Variants in RSPO2 observed in about 807,000 individuals in gnomAD.
RSPO2 encodes the protein R-spondin-2.
Under a neutral mutation model 30.9 loss-of-function variants are expected in RSPO2, and 14 were observed. The observed-to-expected ratio is 0.45, with a 90% CI of 0.30 to 0.71. The LOEUF (loss-of-function observed/expected upper bound fraction) is 0.71, where lower values mean the gene tolerates loss of function less well. Ranked by LOEUF, RSPO2 falls within the 30% of genes least tolerant of loss-of-function variation. The probability of loss-of-function intolerance (pLI) is 0.08; values close to 1 mark genes in which losing one functional copy is unlikely to be tolerated. For missense variants in RSPO2, 264 were observed against 301.9 expected (o/e 0.87, Z 0.93); for synonymous variants, 107 against 96.4 (o/e 1.11, Z -0.64).
intron 2 of RSPO2, among the ~76,000 whole-genome samples, chr8:108,015,823 G>A (rs1810873626): frequency 6.6e-6 from 1 of 152,066 alleles, no homozygotes; most frequent in African/African-American, 2.4e-5. Flanking sequence ...AATAATTTCT[G>A]GATAAAATCT....
At position 107,983,020 on chromosome 8, in the gene RSPO2, A is replaced by T. The variant is rs1347713409; in HGVS notation, c.283+6036T>A. 9 of 835,280 alleles carry T rather than the reference A, an allele frequency of 1.1e-5. No individual in the cohort carries two copies. The East Asian group carries it at 2.4e-4, about 23-fold the overall frequency. 51.7% of individuals were successfully genotyped at this position (835,280 alleles called of 1,614,324 possible). ...GGCTCCTGGGGTGCAGAGAGGGGCC[A>T]CAGTCTCTGCGGCTGTGTCACGCTC... On this transcript the variant is annotated intron_variant, in intron 3 of 5. Coordinates refer to ENST00000276659, the MANE Select transcript of RSPO2 (RefSeq NM_178565.5).
Position 108,083,468 on chromosome 8 carries a change from C to T in RSPO2, c.-441G>A, listed in dbSNP as rs1437562679. ...TGCGCCCGCTCACACTCTCTGCCTC[C>T]CTAACCAATTGTGTCGCTTCCTGCG... On this transcript the variant is annotated 5_prime_UTR_variant, in exon 1 of 6. Transcript: ENST00000276659. The T allele has an allele frequency of 6.6e-6, 1 of 152,392 alleles. No individual in the cohort carries two copies. Among genetic ancestry groups the T allele is most frequent in the Admixed American group, 6.5e-5 (1 of 15,288 alleles). The allele number at this position is 152,392 out of a possible 1,614,324, so 9.4% of individuals were successfully genotyped here. A position where few individuals can be genotyped will look rare whatever the true frequency, so the allele number is the denominator to read the frequency against.
chr8:108,019,283 G>A (rs913743631), intron 2 of RSPO2, among the ~76,000 whole-genome samples: 12 of 152,108 alleles, frequency 7.9e-5, no homozygotes, highest in Non-Finnish European at 5.9e-5. Context: ...GAACTCAGGA[G>A]ATGGAGGTTG....
intron 3 of RSPO2, among the ~76,000 whole-genome samples, chr8:107,985,784 G>A (rs1421384396): frequency 6.6e-6 from 1 of 152,136 alleles, no homozygotes; most frequent in Non-Finnish European, 1.5e-5. Flanking sequence ...AGGGACAATG[G>A]CAGCTTCTAG....
Position 107,970,592 on chromosome 8 carries a change from G to A in RSPO2, c.284-9775C>T, listed in dbSNP as rs998370426. Among the ~76,000 whole-genome samples the A allele has an allele frequency of 4.6e-5, 7 of 152,196 alleles. 1 individual carries two copies. Among genetic ancestry groups the A allele is most frequent in the South Asian group, 2.1e-4 (1 of 4,830 alleles). On this transcript the variant is annotated intron_variant, in intron 3 of 5. Coordinates refer to ENST00000276659, the MANE Select transcript of RSPO2 (RefSeq NM_178565.5). ...ATATCAGATAAGCATGAGGATGCTG[G>A]AATTCAGTTGACATGGGAATACTTT...
intron 5 of RSPO2, among the ~76,000 whole-genome samples, chr8:107,948,228 T>C (rs541645096): frequency 3.3e-5 from 5 of 152,308 alleles, no homozygotes; most frequent in Admixed American, 1.3e-4. Flanking sequence ...CCTCCCAATC[T>C]TCCCATTTCT....
intron 5 of RSPO2, among the ~76,000 whole-genome samples, chr8:107,934,371 CTTT>C (rs3039296): frequency 2.1e-3 from 292 of 141,734 alleles, no homozygotes; most frequent in Admixed American, 2.4e-3. Flanking sequence ...TCTCATTTCC[CTTT>C]TTTTTTTTTT....
intron 2 of RSPO2, among the ~76,000 whole-genome samples, chr8:108,024,159 T>A (rs1000659375): frequency 1.3e-5 from 2 of 152,006 alleles, no homozygotes; most frequent in Non-Finnish European, 2.9e-5. Flanking sequence ...GTGACATATA[T>A]ATAACTCCAA....
At chr8:108,065,659 TAAAA>T (rs57299718) in intron 2 of RSPO2, among the ~76,000 whole-genome samples, 2 of 117,086 alleles carry the variant, frequency 1.7e-5, no homozygotes, top group Non-Finnish European at 3.9e-5. Flanking sequence ...GCAGAAGGAA[TAAAA>T]AAAAAAAAAA....
At chr8:108,006,210 G>C (rs1274229374) in intron 2 of RSPO2, among the ~76,000 whole-genome samples, 1 of 152,172 alleles carries the variant, frequency 6.6e-6, no homozygotes, top group African/African-American at 2.4e-5. Flanking sequence ...AAGGGGAAAA[G>C]AAGAGTGATA....
At chr8:107,924,332 AT>A (rs1296428903) in intron 5 of RSPO2, among the ~76,000 whole-genome samples, 4 of 152,140 alleles carry the variant, frequency 2.6e-5, no homozygotes, top group African/African-American at 2.4e-5. Context: ...AAAATGTCTA[AT>A]TTTGAGGTTA....
At chr8:107,997,414 A>C (rs1815066670) in intron 2 of RSPO2, among the ~76,000 whole-genome samples, 2 of 152,206 alleles carry the variant, frequency 1.3e-5, no homozygotes, top group South Asian at 4.1e-4. Flanking sequence ...TGTGAGCTTC[A>C]ACTTTTCCAA....
At chr8:107,911,738 T>C (rs1811834624) in intron 5 of RSPO2, among the ~76,000 whole-genome samples, 1 of 152,138 alleles carries the variant, frequency 6.6e-6, no homozygotes, top group African/African-American at 2.4e-5. Flanking sequence ...TAGCACAAAA[T>C]CACATAGCTC....
intron 3 of RSPO2, among the ~76,000 whole-genome samples, chr8:107,970,283 A>G (rs539657852): frequency 3.3e-5 from 5 of 152,268 alleles, no homozygotes; most frequent in African/African-American, 1.2e-4. Context: ...GTCACAAAAT[A>G]TTGTTCTTTC....
At chr8:108,079,740 C>G (rs1321001593) in intron 2 of RSPO2, among the ~76,000 whole-genome samples, 1 of 151,294 alleles carries the variant, frequency 6.6e-6, no homozygotes, top group Admixed American at 6.6e-5. Context: ...TAAGCCTAAC[C>G]AATCCTGGTA....
intron 2 of RSPO2, among the ~76,000 whole-genome samples, chr8:108,039,292 A>C (rs1479704432): frequency 2.0e-5 from 3 of 152,176 alleles, no homozygotes; most frequent in Non-Finnish European, 4.4e-5. Context: ...TCACTACTTA[A>C]TAGTAATATT....
At chr8:108,062,904 C>A (rs1812520712) in intron 2 of RSPO2, among the ~76,000 whole-genome samples, 1 of 151,846 alleles carries the variant, frequency 6.6e-6, no homozygotes, top group Admixed American at 6.6e-5. Context: ...TGTAATCCAG[C>A]ATATAAACAG....
intron 5 of RSPO2, among the ~76,000 whole-genome samples, chr8:107,918,438 C>G (rs1240762757): frequency 6.6e-6 from 1 of 152,132 alleles, no homozygotes; most frequent in Non-Finnish European, 1.5e-5. Flanking sequence ...TTTAAAGAAT[C>G]AAAGTTGACT....
chr8:108,057,713 C>T lies in RSPO2; in HGVS notation c.94+24832G>A, dbSNP rs190266586. 4.4e-3 allele frequency among the ~76,000 whole-genome samples: 668 copies of T among 152,062 alleles called. 8 individuals are homozygous for T. The highest frequency in any genetic ancestry group is 0.015 in the African/African-American group (634 of 41,546). On this transcript the variant is annotated intron_variant, in intron 2 of 5. Transcript: ENST00000276659. ...AGAAGAGAAAAAAAATCCCAAGAAT[C>T]TTTTCATTTGTAAAAGCTATGTGTA...
Sources: gnomAD v4.1 joint callset for allele counts (sites outside exome capture counted in the v4.1 genomes callset) on GRCh38, gnomAD v4.1.1 for gene constraint, MANE v1.5 for transcripts, NCBI Gene and HGNC (gene_info 2026-07-23, HGNC 2026-07-21) for gene names.